Variants in PLEKHD1 observed in about 807,000 individuals in gnomAD.
PLEKHD1 encodes the protein pleckstrin homology domain-containing family D member 1.
PLEKHD1 carries 51 observed loss-of-function variants against 69.2 expected under a neutral mutation model. The ratio of observed to expected loss-of-function variants is 0.74; its 90% CI spans 0.59 to 0.93. The LOEUF (loss-of-function observed/expected upper bound fraction) is 0.93. PLEKHD1 is among the 40% of genes least tolerant of loss of function. The probability of loss-of-function intolerance (pLI) is 0.00; values close to 1 mark genes in which losing one functional copy is unlikely to be tolerated. For missense variants in PLEKHD1, 584 were observed against 641.0 expected (o/e 0.91, Z 0.96); for synonymous variants, 236 against 244.7 (o/e 0.96, Z 0.33).
intron 6 of PLEKHD1, among the ~76,000 whole-genome samples, chr14:69,508,080 C>G (rs566020351): frequency 4.6e-5 from 7 of 152,300 alleles, no homozygotes; most frequent in Non-Finnish European, 8.8e-5. Context: ...GTTGGACATC[C>G]TTTTATATGC....
intron 4 of PLEKHD1, 68 bp from the exon 5 acceptor site, chr14:69,501,666 C>A: frequency 8.1e-7 from 1 of 1,232,218 alleles, no homozygotes; most frequent in Non-Finnish European, 1.1e-6. Flanking sequence ...TCCCCTCTAC[C>A]CTTCTGTTTT....
chr14:69,469,747 A>G, the PLEKHD1 span, among the ~76,000 whole-genome samples: 1 of 151,210 alleles, frequency 6.6e-6, no homozygotes, highest in Non-Finnish European at 1.5e-5. Flanking sequence ...TTTGAGACGG[A>G]GTCTCACTCT....
At chr14:69,485,685 C>T (rs1882641048) in intron 1 of PLEKHD1, among the ~76,000 whole-genome samples, 1 of 152,190 alleles carries the variant, frequency 6.6e-6, no homozygotes, top group Admixed American at 6.5e-5. Context: ...CCAACTGTCC[C>T]TTGAAATAAT....
In PLEKHD1 at chr14:69,484,799, C is replaced by T. The variant is rs1028905599; in HGVS notation, c.-167C>T. On this transcript the variant is annotated 5_prime_UTR_variant, in exon 1 of 13. Coordinates refer to ENST00000322564, the MANE Select transcript of PLEKHD1 (RefSeq NM_001161498.2). ...TACGCGCCCTGCGCCCCCTTGGTGCCGCGTCCAGTGCCCAGCGCGCTTTGA... is the reference window on the plus strand; with the variant it reads ...TACGCGCCCTGCGCCCCCTTGGTGCTGCGTCCAGTGCCCAGCGCGCTTTGA... 2.7e-6 allele frequency: 2 copies of T among 741,474 alleles called. No individual in the cohort carries two copies. The highest frequency in any genetic ancestry group is 3.1e-5 in the Admixed American group (1 of 32,046). 45.9% of individuals were successfully genotyped at this position (741,474 alleles called of 1,614,324 possible).
chr14:69,524,965 C>G (rs1188230133), intron 8 of PLEKHD1, among the ~76,000 whole-genome samples: 4 of 152,102 alleles, frequency 2.6e-5, no homozygotes, highest in Non-Finnish European at 5.9e-5. Context: ...TGCTCCATAC[C>G]TTTTCCCACA....
chr14:69,485,174 C>T (rs2139488148), intron 1 of PLEKHD1, 60 bp downstream of exon 1: 1 of 1,496,978 alleles, frequency 6.7e-7, no homozygotes, highest in Non-Finnish European at 9.0e-7. Context: ...CGTCGTTACC[C>T]CTCCCACCCC....
Position 69,522,342 on chromosome 14 carries a change from G to A in PLEKHD1, c.615G>A (p.Val205=), listed in dbSNP as rs769880487. 67 of 1,551,494 alleles carry A rather than the reference G, an allele frequency of 4.3e-5. No individual in the cohort carries two copies. The highest frequency in any genetic ancestry group is 5.8e-5 in the Non-Finnish European group (66 of 1,146,958). The part of the protein sequence containing the change: ...EAEKQQFEEV[V]QELRMEQEQI... The stretch of plus-strand genomic sequence containing the variant: ...AGAAGCAGCAGTTCGAGGAGGTGGT[G>A]CAGGAGCTGAGAATGGAGCAGGAGC... Residue 205 remains valine, a synonymous_variant, in exon 7 of 13, where the codon GTG becomes GTA. Transcript: ENST00000322564.
chr14:69,486,038 CCAGT>C (rs1287078253), intron 1 of PLEKHD1, among the ~76,000 whole-genome samples: 2 of 152,234 alleles, frequency 1.3e-5, no homozygotes, highest in Non-Finnish European at 2.9e-5. Flanking sequence ...TTTCCACTCT[CCAGT>C]CAATTTCAGT....
chr14:69,483,931 G>T (rs1258992994), upstream of PLEKHD1, among the ~76,000 whole-genome samples: 2 of 152,256 alleles, frequency 1.3e-5, no homozygotes, highest in Non-Finnish European at 2.9e-5. Context: ...ACTCCGAAAG[G>T]AGCGGAAGCG....
At chr14:69,527,070 A>G (rs570904980) in intron 10 of PLEKHD1, 118 bp from the exon 11 acceptor site, 2 of 1,301,876 alleles carry the variant, frequency 1.5e-6, no homozygotes, top group Non-Finnish European at 2.1e-6. Flanking sequence ...CAGAAGCGGG[A>G]TGTGATAACT....
chr14:69,493,055 C>T (rs1018036203), intron 1 of PLEKHD1, among the ~76,000 whole-genome samples: 1 of 152,342 alleles, frequency 6.6e-6, no homozygotes, highest in Admixed American at 6.5e-5. Context: ...GCGTGAGCCA[C>T]CACACCCGGC....
upstream of PLEKHD1, among the ~76,000 whole-genome samples, chr14:69,482,243 A>T (rs1302613610): frequency 6.6e-6 from 1 of 152,242 alleles, no homozygotes; most frequent in Non-Finnish European, 1.5e-5. Flanking sequence ...CCCCAGGATT[A>T]TCTGGGCTCA....
intron 7 of PLEKHD1, 146 bp downstream of exon 7, chr14:69,522,523 C>T: frequency 1.2e-6 from 1 of 814,556 alleles, no homozygotes; most frequent in African/African-American, 1.7e-5. Context: ...TTGAGTCTGT[C>T]CTCCAAGGCT....
At chr14:69,489,833 T>C (rs1029028492) in intron 1 of PLEKHD1, among the ~76,000 whole-genome samples, 2 of 151,736 alleles carry the variant, frequency 1.3e-5, no homozygotes, top group African/African-American at 4.8e-5. Context: ...CTTCAAGCAA[T>C]ACCTCTGCAC....
At chr14:69,527,045 T>A in intron 10 of PLEKHD1, 143 bp from the exon 11 acceptor site, 1 of 1,227,768 alleles carries the variant, frequency 8.1e-7, no homozygotes, top group Non-Finnish European at 1.1e-6. Context: ...TCCATCTGGT[T>A]CAAAGGGTAA....
intron 6 of PLEKHD1, among the ~76,000 whole-genome samples, chr14:69,504,556 G>A (rs1005979586): frequency 3.9e-5 from 6 of 152,264 alleles, no homozygotes; most frequent in African/African-American, 1.4e-4. Flanking sequence ...GAATGAATTA[G>A]TAAATGAATG....
intron 1 of PLEKHD1, among the ~76,000 whole-genome samples, chr14:69,488,595 G>A (rs1331409074): frequency 6.6e-6 from 1 of 152,112 alleles, no homozygotes; most frequent in Non-Finnish European, 1.5e-5. Context: ...GGCAACATAG[G>A]GTGTGGGGAA....
At chr14:69,525,160 G>A (rs945239790) in intron 8 of PLEKHD1, among the ~76,000 whole-genome samples, 3 of 152,128 alleles carry the variant, frequency 2.0e-5, no homozygotes, top group Admixed American at 2.0e-4. Flanking sequence ...TAACATGCTA[G>A]GTGTGTTTTC....
At position 69,528,336 on chromosome 14, in the gene PLEKHD1, G is replaced by T; in HGVS notation, c.1438G>T (p.Asp480Tyr). 3 of 1,551,720 alleles carry T rather than the reference G, an allele frequency of 1.9e-6. No individual in the cohort carries two copies. The change falls in exon 13 of 13, where the codon GAC becomes TAC. Residue 480 changes from aspartate to tyrosine, a missense_variant. Physicochemically the swap from Asp to Tyr is radical, Grantham distance 160. Coordinates refer to ENST00000322564, the MANE Select transcript of PLEKHD1 (RefSeq NM_001161498.2). ...GGAGGTGGCCAAGCGGCTCAGCAGG[G>T]ACCAGCGCTTCCGGGAATCCATCTA... ...LKEVAKRLSR[D>Y]QRFRESIYHI...
Sources: allele counts gnomAD v4.1 joint callset (sites outside exome capture counted in the v4.1 genomes callset), GRCh38; gene constraint gnomAD v4.1.1; transcripts MANE v1.5; gene names NCBI Gene and HGNC (gene_info 2026-07-23, HGNC 2026-07-21).